NTRK1: variants seen among roughly 807,000 people sequenced by gnomAD.
The protein encoded by NTRK1 is neurotrophic receptor tyrosine kinase 1.
A neutral mutation model predicts 86.8 loss-of-function variants in NTRK1; 62 were observed. That is an observed-to-expected ratio of 0.71 (90% CI 0.58 to 0.88). NTRK1 has a LOEUF of 0.88. NTRK1 is among the 40% of genes least tolerant of loss of function. NTRK1 has a pLI of 0.00. For missense variants in NTRK1, 967 were observed against 1,078.4 expected, an observed-to-expected ratio of 0.90 and a Z score of 1.45; for synonymous variants, 469 against 456.6, an observed-to-expected ratio of 1.03 and a Z score of -0.35.
At chr1:156,870,836 G>A (rs954162883) in intron 6 of NTRK1, among the ~76,000 whole-genome samples, 20 of 152,152 alleles carry the variant, frequency 1.3e-4, no homozygotes, top group African/African-American at 3.6e-4. Context: ...AAGAATTGTC[G>A]TAAGATCATG....
At chr1:156,853,334 A>G (rs1015985580) in intron 2 of NTRK1, among the ~76,000 whole-genome samples, 7 of 152,146 alleles carry the variant, frequency 4.6e-5, no homozygotes, top group African/African-American at 9.7e-5. Flanking sequence ...ATGACACCCA[A>G]TGATCATTTT....
chr1:156,858,962 C>A, upstream of NTRK1: 1 of 285,020 alleles, frequency 3.5e-6, no homozygotes, highest in Non-Finnish European at 6.8e-6. Flanking sequence ...GAGAGGCCAG[C>A]CAACCCTGAG....
At chr1:156,843,529 T>A (rs1654878616) in intron 2 of NTRK1, 1 of 1,546,650 alleles carries the variant, frequency 6.5e-7, no homozygotes, top group Non-Finnish European at 8.9e-7. Context: ...CAGGAAGGAA[T>A]GAGCAACATC....
In NTRK1 at chr1:156,879,182, G is replaced by A. The variant is rs757030004; in HGVS notation, c.1866G>A (p.Leu622=). The change falls in exon 15 of 17, where the codon CTG becomes CTA. Residue 622 remains leucine (L), a synonymous_variant. Transcript: ENST00000524377. ...AGGEDVAPGP[L]GLGQLLAVAS... is the part of the protein sequence containing the mutation. ...GGGAGGATGTGGCTCCAGGCCCCCT[G>A]GGTCTGGGGCAGCTGCTGGCCGTGG... The A allele has an allele frequency of 6.2e-7, 1 of 1,613,226 alleles. No homozygotes were observed. Among genetic ancestry groups the A allele is most frequent in the African/African-American group, 1.3e-5 (1 of 75,028 alleles).
In NTRK1 at chr1:156,845,671, A is replaced by G. The variant is rs772798490; in HGVS notation, c.50+3478A>G. 3 of 1,610,574 alleles carry G rather than the reference A, an allele frequency of 1.9e-6. No homozygotes were observed. In the African/African-American group the frequency reaches 4.0e-5, roughly 22 times the overall value. Reference sequence around the variant, plus strand: ...AAGTTTTCAAACTTCTTCTGGAACGAGGCCTCTTGCGCCTCCAGCGGGGGC... The same window carrying G: ...AAGTTTTCAAACTTCTTCTGGAACGGGGCCTCTTGCGCCTCCAGCGGGGGC... On this transcript the variant is annotated intron_variant, in intron 2 of 16. Coordinates refer to the NTRK1 transcript ENST00000392302.
rs1026758633 is a variant in NTRK1, at chr1:156,881,567, C to T, written c.2316C>T (p.His772=). ...GCWQREPQQR[H]SIKDVHARLQ... ...GGCAGCGGGAGCCCCAGCAACGCCA[C>T]AGCATCAAGGATGTGCACGCCCGGC... Residue 772 remains histidine, a synonymous_variant, in exon 17 of 17, where the codon CAC becomes CAT. Transcript: ENST00000524377. The T allele has an allele frequency of 2.5e-6, 4 of 1,611,574 alleles. No individual in the cohort carries two copies. Among genetic ancestry groups the T allele is most frequent in the Non-Finnish European group, 3.4e-6 (4 of 1,179,308 alleles).
At chr1:156,856,752 C>T (rs1275992461), upstream of NTRK1, among the ~76,000 whole-genome samples, 1 of 152,198 alleles carries the variant, frequency 6.6e-6, no homozygotes, top group African/African-American at 2.4e-5. Flanking sequence ...AACCACTGGG[C>T]ACTCAGGAAC....
At chr1:156,856,489 A>T (rs1203033828), upstream of NTRK1, among the ~76,000 whole-genome samples, 1 of 151,796 alleles carries the variant, frequency 6.6e-6, no homozygotes, top group African/African-American at 2.4e-5. Context: ...TAGATAAACC[A>T]TTCCTTACTA....
At chr1:156,858,548 T>C, upstream of NTRK1, 1 of 1,613,658 alleles carries the variant, frequency 6.2e-7, no homozygotes, top group Non-Finnish European at 8.5e-7. Context: ...CTCTACTGTA[T>C]CCAGGCCAAA....
rs116852651 is a variant in NTRK1, at chr1:156,834,080, C to T, written c.-63-8001C>T. On this transcript the variant is annotated intron_variant, in intron 1 of 16. Coordinates refer to the NTRK1 transcript ENST00000392302. ...ATTCAATTATCTCTCTGTGGAAATACCTAGAGTGGTTTCTGTTTTCCTAAG... is the reference window on the plus strand; with the variant it reads ...ATTCAATTATCTCTCTGTGGAAATATCTAGAGTGGTTTCTGTTTTCCTAAG... 1.0e-3 allele frequency among the ~76,000 whole-genome samples: 158 copies of T among 152,262 alleles called. 2 individuals carry two copies. In the East Asian group the frequency reaches 0.028, roughly 27 times the overall value.
intron 1 of NTRK1, among the ~76,000 whole-genome samples, chr1:156,838,409 G>A (rs2102848706): frequency 6.6e-6 from 1 of 151,188 alleles, no homozygotes; most frequent in South Asian, 2.1e-4. Flanking sequence ...TCTGAATCTG[G>A]GGAAGAGGAG....
At position 156,876,482 on chromosome 1, in the gene NTRK1, T is replaced by C. The variant is rs1205285520; in HGVS notation, c.1715T>C (p.Ile572Thr). The change falls in exon 14 of 17, where the codon ATC becomes ACC. Residue 572 changes from isoleucine to threonine, a missense_variant. This residue lies in a region of NTRK1 where 637 missense variants were observed against 776.5 expected (regional missense o/e 0.82). Coordinates refer to ENST00000524377, the MANE Select transcript of NTRK1 (RefSeq NM_002529.4). ...CTCACCATGCTGCAGCACCAGCACA[T>C]CGTGCGCTTCTTCGGCGTCTGCACC... is the stretch of plus-strand genomic sequence containing the variant. ...ELLTMLQHQH[I>T]VRFFGVCTEG... The C allele has an allele frequency of 1.2e-6, 2 of 1,613,662 alleles. No homozygotes were observed. The highest frequency in any genetic ancestry group is 1.6e-4 in the Middle Eastern group (1 of 6,084).
Position 156,832,556 on chromosome 1 carries a change from G to A in NTRK1, c.-63-9525G>A, listed in dbSNP as rs1455241948. Among the ~76,000 whole-genome samples, 7 of 152,152 alleles carry A rather than the reference G, an allele frequency of 4.6e-5. No individual in the cohort carries two copies. The East Asian group carries it at 1.3e-3, about 29-fold the overall frequency. ...TATGGGAAGGGAGAGGTGGAGGAGA[G>A]TGGAGGATGCTGAGTCGCAGGAGCA... On this transcript the variant is annotated intron_variant, in intron 1 of 16. Coordinates refer to the NTRK1 transcript ENST00000392302.
chr1:156,851,597 G>C, intron 2 of NTRK1: 2 of 1,613,398 alleles, frequency 1.2e-6, no homozygotes, highest in Non-Finnish European at 1.7e-6. Flanking sequence ...GTGTCTGGGA[G>C]GAAGGGTATG....
In NTRK1 at chr1:156,876,405, G is replaced by C. The variant is rs747000102; in HGVS notation, c.1638G>C (p.Leu546=). The change falls in exon 14 of 17, where the codon CTG becomes CTC. Residue 546 remains leucine, a synonymous_variant. Coordinates refer to ENST00000524377, the MANE Select transcript of NTRK1 (RefSeq NM_002529.4). ...TCCCTGCCGCTTCCATCCAGGCACT[G>C]AAGGAGGCGTCCGAGAGTGCTCGGC... ...QDKMLVAVKA[L]KEASESARQD... 3.1e-6 allele frequency: 5 copies of C among 1,613,702 alleles called. No homozygotes were observed. In the African/African-American group the frequency reaches 6.7e-5, roughly 22 times the overall value.
intron 2 of NTRK1, chr1:156,842,953 A>G (rs377391336): frequency 1.4e-6 from 2 of 1,407,040 alleles, no homozygotes; most frequent in South Asian, 2.4e-5. Context: ...TTCTTACCAC[A>G]TGACCTTTAC....
At chr1:156,880,703 C>T (rs1224747417) in intron 16 of NTRK1, among the ~76,000 whole-genome samples, 1 of 152,182 alleles carries the variant, frequency 6.6e-6, no homozygotes, top group Non-Finnish European at 1.5e-5. Context: ...GTCTGCTCCC[C>T]GGAGGCTGGT....
chr1:156,829,214 C>T (rs1654401381), intron 1 of NTRK1, among the ~76,000 whole-genome samples: 1 of 152,150 alleles, frequency 6.6e-6, no homozygotes, highest in African/African-American at 2.4e-5. Flanking sequence ...TTTTGGAAGG[C>T]CTCTCCATGA....
chr1:156,854,700 T>C lies in NTRK1; in HGVS notation c.51-9654T>C, dbSNP rs950609744. Among the ~76,000 whole-genome samples the C allele has an allele frequency of 6.6e-6, 1 of 152,192 alleles. No individual in the cohort carries two copies. The highest frequency in any genetic ancestry group is 2.4e-5 in the African/African-American group (1 of 41,446). On this transcript the variant is annotated intron_variant, in intron 2 of 16. Coordinates refer to the NTRK1 transcript ENST00000392302. This position sits in a 1 kb window ranked among gnomAD's most constrained non-coding sequence, Gnocchi z 4.2. ...TTATCTTTAAAATATGTCCAGGATC[T>C]GAACTGCTTGTCAACACCTTCACAG...
Sources: gnomAD v4.1 joint callset for allele counts (sites outside exome capture counted in the v4.1 genomes callset) on GRCh38, gnomAD v4.1.1 for gene constraint, gnomAD v4.1.1 regional missense constraint, Gnocchi (gnomAD v3.1) non-coding constraint, MANE v1.5 for transcripts, NCBI Gene and HGNC (gene_info 2026-07-23, HGNC 2026-07-21) for gene names.